The following ABCA5 variants were observed in gnomAD, a reference collection of about 807,000 sequenced individuals.
ABCA5 encodes cholesterol transporter ABCA5.
A neutral mutation model predicts 206.0 loss-of-function variants in ABCA5; 163 were observed. That is an observed-to-expected ratio of 0.79 (90% CI 0.70 to 0.90). The LOEUF (loss-of-function observed/expected upper bound fraction) is 0.90, where lower values mean the gene tolerates loss of function less well. Ranked by LOEUF, ABCA5 falls within the 40% of genes least tolerant of loss-of-function variation. ABCA5 has a pLI of 0.00. For synonymous variants in ABCA5, 609 were observed against 613.8 expected (o/e 0.99, Z 0.11); for missense variants, 1,859 against 1,912.9 (o/e 0.97, Z 0.53).
intron 1 of ABCA5, chr17:69,314,776 G>A (rs2075800326): frequency 1.1e-5 from 2 of 179,558 alleles, no homozygotes; most frequent in African/African-American, 2.3e-5. Flanking sequence ...AATGCTCAGG[G>A]AGAATGTAGA....
chr17:69,258,888 T>C (rs914084425), intron 28 of ABCA5, among the ~76,000 whole-genome samples: 14 of 151,954 alleles, frequency 9.2e-5, no homozygotes, highest in African/African-American at 3.1e-4. Context: ...CAAGGCTGGA[T>C]AGAAGAAAAA....
rs565065196 is a variant in ABCA5 at position 69,312,988 on chromosome 17, C to T, written c.307+104G>A. Reference sequence around the variant, plus strand: ...TATAAAACTGACTTTGGTGGAGGAACACATCTCTAAGTGTTAAGACTGCTA... The same window carrying T: ...TATAAAACTGACTTTGGTGGAGGAATACATCTCTAAGTGTTAAGACTGCTA... On this transcript the variant is annotated intron_variant, in intron 3 of 38. Transcript: ENST00000392676. 14 of 602,452 alleles carry T rather than the reference C, an allele frequency of 2.3e-5. No individual in the cohort carries two copies. In the East Asian group the frequency reaches 4.8e-4, roughly 21 times the overall value. 37.3% of individuals were successfully genotyped at this position (602,452 alleles called of 1,614,324 possible). A position where few individuals can be genotyped will look rare whatever the true frequency, so the allele number is the denominator to read the frequency against.
intron 6 of ABCA5, 146 bp downstream of exon 6, chr17:69,306,579 T>A (rs1482217252): frequency 2.9e-6 from 1 of 350,620 alleles, no homozygotes; most frequent in Non-Finnish European, 4.8e-6. Context: ...TTGACTAATC[T>A]CAAATTCCAA....
At chr17:69,275,617 C>T (rs1209598031) in intron 19 of ABCA5, among the ~76,000 whole-genome samples, 1 of 152,092 alleles carries the variant, frequency 6.6e-6, no homozygotes, top group Non-Finnish European at 1.5e-5. Context: ...CAGAGAACAT[C>T]TCATGTTTTT....
At chr17:69,283,814 C>A in intron 18 of ABCA5, 139 bp downstream of exon 18, 1 of 508,770 alleles carries the variant, frequency 2.0e-6, no homozygotes, top group Non-Finnish European at 2.7e-6. Flanking sequence ...ACTCCTATCA[C>A]TATCAGTATC....
intron 20 of ABCA5, 60 bp from the exon 21 acceptor site, chr17:69,271,349 C>A (rs1413226309): frequency 2.0e-6 from 3 of 1,468,180 alleles, no homozygotes; most frequent in African/African-American, 2.9e-5. Context: ...TTTAGTAACA[C>A]TGGGAAGATA....
chr17:69,300,039 A>AT (rs2075635873), intron 9 of ABCA5, among the ~76,000 whole-genome samples: 1 of 152,162 alleles, frequency 6.6e-6, no homozygotes, highest in Admixed American at 6.5e-5. Context: ...AATGCATTAC[A>AT]TTTATTGTGA....
At chr17:69,252,038 G>A (rs1357445136) in intron 34 of ABCA5, among the ~76,000 whole-genome samples, 172 bp from the exon 35 acceptor site, 2 of 63,488 alleles carry the variant, frequency 3.2e-5, no homozygotes. Flanking sequence ...TTGAGACGGA[G>A]TCTCGCTCTG....
intron 8 of ABCA5, 80 bp from the exon 9 acceptor site, chr17:69,301,366 G>C (rs1485977762): frequency 3.2e-6 from 4 of 1,255,124 alleles, no homozygotes; most frequent in Non-Finnish European, 4.3e-6. Context: ...GAGTTATTTA[G>C]CATATCCAGA....
At chr17:69,303,829 T>TACATATATATATAC (rs369775125) in intron 7 of ABCA5, among the ~76,000 whole-genome samples, 2 of 14,596 alleles carry the variant, frequency 1.4e-4, no homozygotes, top group African/African-American at 3.0e-4. Context: ...TATATATGTA[T>TACATATATATATAC]ATATATATAT....
At chr17:69,288,105 TTA>T (rs1241759472) in intron 14 of ABCA5, among the ~76,000 whole-genome samples, 6 of 152,120 alleles carry the variant, frequency 3.9e-5, no homozygotes, top group African/African-American at 1.4e-4. Context: ...ATATATGGTT[TTA>T]TAGTAGTTCA....
chr17:69,284,059 G>A lies in ABCA5; in HGVS notation c.2286C>T (p.Ala762=). The change falls in exon 18 of 39, where the codon GCC becomes GCT. Residue 762 remains alanine, a synonymous_variant. Transcript: ENST00000392676. ...DMDKFSGLFS[A]LDSHSNLGVI... is the part of the protein sequence containing the mutation. ...CACCCAAATTTGAATGACTGTCTAG[G>A]GCAGAAAACAAACCTAAAAGAAAAA... is the stretch of plus-strand genomic sequence containing the variant. 1 of 1,573,640 alleles carries A rather than the reference G, an allele frequency of 6.4e-7. No homozygotes were observed.
chr17:69,256,312 A>G, intron 28 of ABCA5, 29 bp from the exon 29 acceptor site: 1 of 1,420,242 alleles, frequency 7.0e-7, no homozygotes, highest in Non-Finnish European at 9.4e-7. Flanking sequence ...TATAAAAGAC[A>G]GTAGGTTTTC....
chr17:69,314,267 A>G, intron 2 of ABCA5, 47 bp downstream of exon 2: 1 of 1,220,964 alleles, frequency 8.2e-7, no homozygotes, highest in South Asian at 1.3e-5. Context: ...GAATATATCA[A>G]GCAAAATAAA....
At chr17:69,316,623 T>G (rs1454160800) in intron 1 of ABCA5, among the ~76,000 whole-genome samples, 1 of 148,098 alleles carries the variant, frequency 6.8e-6, no homozygotes, top group Non-Finnish European at 1.5e-5. Flanking sequence ...AAAGACTTAA[T>G]GGCTGAAAAC....
chr17:69,281,478 G>C (rs1418159047), intron 18 of ABCA5, among the ~76,000 whole-genome samples: 1 of 152,118 alleles, frequency 6.6e-6, no homozygotes, highest in East Asian at 1.9e-4. Context: ...TGAACTAAAA[G>C]CAGAATGCCC....
chr17:69,249,847 A>C (rs2074991492), intron 37 of ABCA5, 58 bp downstream of exon 37: 1 of 1,494,590 alleles, frequency 6.7e-7, no homozygotes, highest in East Asian at 2.3e-5. Flanking sequence ...AAGATTGTGA[A>C]AGGGACTGAA....
intron 9 of ABCA5, among the ~76,000 whole-genome samples, chr17:69,298,229 T>TAGGAAGGTAGGAAGGTAGGA (rs1555582874): frequency 0.02 from 664 of 33,466 alleles, 21 homozygotes; most frequent in Non-Finnish European, 0.026. Flanking sequence ...GGAAGGTAGG[T>TAGGAAGGTAGGAAGGTAGGA]AGGAAGGAAG....
At chr17:69,288,588 G>T (rs1345672309) in intron 14 of ABCA5, among the ~76,000 whole-genome samples, 1 of 151,766 alleles carries the variant, frequency 6.6e-6, no homozygotes, top group Non-Finnish European at 1.5e-5. Context: ...AAACATGGAG[G>T]CCAGGCGTGG....
Sources: gnomAD v4.1 joint callset for allele counts (sites outside exome capture counted in the v4.1 genomes callset) on GRCh38, gnomAD v4.1.1 for gene constraint, MANE v1.5 for transcripts, NCBI Gene and HGNC (gene_info 2026-07-23, HGNC 2026-07-21) for gene names.